The following UPK1B variants were observed in gnomAD, a reference collection of about 807,000 sequenced individuals.
UPK1B encodes the protein uroplakin 1B, also known as uroplakin-1b.
In UPK1B, 28 loss-of-function variants were observed where a neutral mutation model predicts 34.2. That is an observed-to-expected ratio of 0.82 (90% confidence interval 0.61 to 1.12). The LOEUF (loss-of-function observed/expected upper bound fraction) is 1.12. UPK1B is among the 50% of genes most tolerant of loss of function. The pLI, the probability that UPK1B is intolerant of heterozygous loss-of-function variation, is 0.00. For synonymous variants in UPK1B, 81 were observed against 110.4 expected (o/e 0.73, Z 1.67); for missense variants, 325 against 320.9 (o/e 1.01, Z -0.10).
At chr3:119,189,037 A>C (rs2078032084) in intron 3 of UPK1B, among the ~76,000 whole-genome samples, 1 of 152,176 alleles carries the variant, frequency 6.6e-6, no homozygotes, top group Admixed American at 6.5e-5. Context: ...GTGTTCCTAA[A>C]GACAAATTCA....
intron 1 of UPK1B, among the ~76,000 whole-genome samples, chr3:119,177,866 C>T (rs2077964531): frequency 6.6e-6 from 1 of 152,186 alleles, no homozygotes; most frequent in Non-Finnish European, 1.5e-5. Context: ...CACATATCCA[C>T]AATGGTTTCA....
rs771904792 is a variant in UPK1B, at chr3:119,190,340, CA to C, written c.345+25del. ...ACTTTGTGAGTACAACCTCAAAAAG[CA>C]AAATAATATGAATTATCATTATTAT... On this transcript the variant is annotated intron_variant, in intron 4 of 7. Transcript: ENST00000264234. 6 of 1,566,504 alleles carry C rather than the reference CA, an allele frequency of 3.8e-6. No homozygotes were observed. In the African/African-American group the frequency reaches 6.8e-5, roughly 18 times the overall value.
chr3:119,192,669 T>C (rs2078049547), intron 5 of UPK1B, among the ~76,000 whole-genome samples: 1 of 152,180 alleles, frequency 6.6e-6, no homozygotes, highest in Admixed American at 6.5e-5. Context: ...TACATTGATA[T>C]ACACCTGTGC....
intron 6 of UPK1B, among the ~76,000 whole-genome samples, chr3:119,198,353 C>G (rs2078075860): frequency 6.6e-6 from 1 of 152,272 alleles, no homozygotes; most frequent in Non-Finnish European, 1.5e-5. Flanking sequence ...AGAGGCTGCT[C>G]AGATGGCAGC....
Position 119,191,044 on chromosome 3 carries a change from C to A in UPK1B, c.408C>A (p.Asn136Lys). The change falls in exon 5 of 8, where the codon AAC (asparagine) becomes AAA (lysine). Residue 136 changes from asparagine (N) to lysine (K), a missense_variant. Transcript: ENST00000264234. ...LERYQNNSPP[N>K]NDDQWKNNGV... The stretch of plus-strand genomic sequence containing the variant: ...GGTACCAAAACAACAGCCCTCCAAA[C>A]AATGATGACCAGTGGAAAAACAATG... 6.2e-7 allele frequency: 1 copy of A among 1,614,058 alleles called. No individual in the cohort carries two copies.
At chr3:119,174,360 T>C (rs1373881992) in intron 1 of UPK1B, among the ~76,000 whole-genome samples, 1 of 152,244 alleles carries the variant, frequency 6.6e-6, no homozygotes, top group Non-Finnish European at 1.5e-5. Context: ...TCACACAAAA[T>C]ACAAATTTAA....
chr3:119,176,565 CA>C (rs772822244), intron 1 of UPK1B, among the ~76,000 whole-genome samples: 1 of 152,218 alleles, frequency 6.6e-6, no homozygotes, highest in African/African-American at 2.4e-5. Context: ...TACCAGGCCA[CA>C]GGGCAGTTTT....
intron 1 of UPK1B, among the ~76,000 whole-genome samples, chr3:119,175,450 T>C (rs1214267597): frequency 6.6e-6 from 1 of 152,188 alleles, no homozygotes; most frequent in Non-Finnish European, 1.5e-5. Context: ...ACAAACTTGA[T>C]GGGCCACCAT....
At chr3:119,190,469 T>C (rs949703176) in intron 4 of UPK1B, 150 bp downstream of exon 4, 19 of 541,596 alleles carry the variant, frequency 3.5e-5, no homozygotes, top group African/African-American at 3.1e-4. Context: ...ATCTATGAAA[T>C]AGGCATTATC....
At chr3:119,192,174 C>T (rs946851801) in intron 5 of UPK1B, among the ~76,000 whole-genome samples, 1 of 152,144 alleles carries the variant, frequency 6.6e-6, no homozygotes, top group Non-Finnish European at 1.5e-5. Context: ...TTCATTTATT[C>T]TAATATCTCA....
Position 119,179,870 on chromosome 3 carries a change from C to T in UPK1B, c.-29+6232C>T, listed in dbSNP as rs150818001. 5.2e-5 allele frequency among the ~76,000 whole-genome samples: 6 copies of T among 114,798 alleles called. No individual in the cohort carries two copies. In the East Asian group the frequency reaches 1.7e-3, roughly 33 times the overall value. The allele number at this position is 114,798 out of a possible 152,430, so 75.3% of individuals were successfully genotyped here. A position where few individuals can be genotyped will look rare whatever the true frequency, so the allele number is the denominator to read the frequency against. ...GACGAGTGCAATGGCGCAATCTCGG[C>T]TCATGGCAAACTCCGCCTCTCCCGT... On this transcript the variant is annotated intron_variant, in intron 1 of 7. Coordinates refer to ENST00000264234, the MANE Select transcript of UPK1B (RefSeq NM_006952.4).
At chr3:119,174,061 T>C (rs1159547425) in intron 1 of UPK1B, among the ~76,000 whole-genome samples, 2 of 152,176 alleles carry the variant, frequency 1.3e-5, no homozygotes, top group Admixed American at 6.5e-5. Context: ...ACGAAATAGC[T>C]CGTGTTATTT....
In UPK1B at chr3:119,175,012, C is replaced by CTTTTTTTTTT. The variant is rs374721069; in HGVS notation, c.-29+1400_-29+1409dup. On this transcript the variant is annotated intron_variant, in intron 1 of 7. Coordinates refer to ENST00000264234, the MANE Select transcript of UPK1B (RefSeq NM_006952.4). The stretch of plus-strand genomic sequence containing the variant: ...CAGAACTTTTTTTTTCTTTTATTTT[C>CTTTTTTTTTT]TTTTTTTTTTTTTTTTTTTTTTTTT... 4.0e-4 allele frequency among the ~76,000 whole-genome samples: 27 copies of CTTTTTTTTTT among 67,446 alleles called. 1 individual carries two copies. Among genetic ancestry groups the CTTTTTTTTTT allele is most frequent in the African/African-American group, 6.2e-4 (10 of 16,148 alleles). 44.2% of individuals were successfully genotyped at this position (67,446 alleles called of 152,430 possible).
At chr3:119,199,266 C>T in intron 7 of UPK1B, 126 bp downstream of exon 7, 1 of 1,058,672 alleles carries the variant, frequency 9.4e-7, no homozygotes, top group Non-Finnish European at 1.4e-6. Flanking sequence ...GAAGGCTAGT[C>T]AGGAAACTTC....
intron 5 of UPK1B, among the ~76,000 whole-genome samples, chr3:119,192,773 T>C (rs990777704): frequency 1.3e-5 from 2 of 152,186 alleles, no homozygotes; most frequent in Non-Finnish European, 2.9e-5. Flanking sequence ...CCCAACAGTC[T>C]TCCCTGCTCT....
rs55752613 is a variant in UPK1B at position 119,203,340 on chromosome 3, CAAAAAAAA to C, written c.733-556_733-549del. The stretch of plus-strand genomic sequence containing the variant: ...TGGGCGACAGAGCGAAACTCCGTCT[CAAAAAAAA>C]AAAAAAAAAAAAAAAAAAAATCTGA... On this transcript the variant is annotated intron_variant, in intron 7 of 7. Transcript: ENST00000264234. 1.8e-4 allele frequency among the ~76,000 whole-genome samples: 11 copies of C among 62,022 alleles called. 1 individual carries two copies. In the South Asian group the frequency reaches 3.0e-3, roughly 17 times the overall value. The allele number at this position is 62,022 out of a possible 152,430, so 40.7% of individuals were successfully genotyped here. A position where few individuals can be genotyped will look rare whatever the true frequency, so the allele number is the denominator to read the frequency against.
intron 7 of UPK1B, among the ~76,000 whole-genome samples, chr3:119,199,725 G>A (rs62263547): frequency 0.35 from 53,538 of 152,068 alleles, 10,377 homozygotes; most frequent in Non-Finnish European, 0.42. Context: ...TGACCTGGGG[G>A]TTGAGCCAAG....
intron 1 of UPK1B, among the ~76,000 whole-genome samples, chr3:119,179,384 TATATATATATATATTAA>T (rs1342404495): frequency 3.5e-5 from 3 of 84,670 alleles, no homozygotes; most frequent in African/African-American, 1.6e-4. Context: ...TATATATATA[TATATATATATATATTAA>T]TTCTAAGGAA....
At chr3:119,176,664 C>T (rs2077958495) in intron 1 of UPK1B, among the ~76,000 whole-genome samples, 1 of 152,174 alleles carries the variant, frequency 6.6e-6, no homozygotes, top group Non-Finnish European at 1.5e-5. Flanking sequence ...GGCGTTCCAT[C>T]TCTAACGCGG....
Sources: allele counts gnomAD v4.1 joint callset (sites outside exome capture counted in the v4.1 genomes callset), GRCh38; gene constraint gnomAD v4.1.1; transcripts MANE v1.5; gene names NCBI Gene and HGNC (gene_info 2026-07-23, HGNC 2026-07-21).